MUCL3: variants seen among roughly 807,000 people sequenced by gnomAD.
MUCL3 encodes the protein mucin like 3.
Under a neutral mutation model 70.2 loss-of-function variants are expected in MUCL3, and 42 were observed. The ratio of observed to expected loss-of-function variants is 0.60; its 90% CI spans 0.47 to 0.77. MUCL3 has a LOEUF of 0.77. Among genes scored for constraint, MUCL3 ranks in the 30% least tolerant of loss-of-function variants. The pLI, the probability that MUCL3 is intolerant of heterozygous loss-of-function variation, is 0.00. For synonymous variants in MUCL3, 522 were observed against 647.0 expected (o/e 0.81, Z 2.93); for missense variants, 1,429 against 1,670.0 (o/e 0.86, Z 2.52).
Position 30,951,857 on chromosome 6 carries a change from G to A in MUCL3, c.3393G>A (p.Arg1131=). 6.2e-7 allele frequency: 1 copy of A among 1,604,104 alleles called. No individual in the cohort carries two copies. Among genetic ancestry groups the A allele is most frequent in the Non-Finnish European group, 8.5e-7 (1 of 1,175,864 alleles). Residue 1131 remains arginine (R), a synonymous_variant, in exon 2 of 3, where the codon AGG becomes AGA. Coordinates refer to ENST00000462446, the MANE Select transcript of MUCL3 (RefSeq NM_080870.4). ...SAAESTEHRD[R]ATSANVITPA... ...CAGAGTCTACAGAACATAGAGATAG[G>A]GCTACATCAGCCAATGTGATCACAC...
Position 30,951,185 on chromosome 6 carries a change from C to T in MUCL3, c.2721C>T (p.Thr907=), listed in dbSNP as rs1445048902. ...PAEPTENGER[T]PFTNEKTTPS... is the part of the protein sequence containing the mutation. ...AGCCTACAGAAAATGGAGAAAGGAC[C>T]CCATTTACCAATGAGAAGACCACAC... The change falls in exon 2 of 3, where the codon ACC becomes ACT. Residue 907 remains threonine (T), a synonymous_variant. Transcript: ENST00000462446. 9 of 1,541,628 alleles carry T rather than the reference C, an allele frequency of 5.8e-6. No individual in the cohort carries two copies. The highest frequency in any genetic ancestry group is 1.2e-5 in the South Asian group (1 of 83,610).
chr6:30,950,989 C>T lies in MUCL3; in HGVS notation c.2525C>T (p.Thr842Ile). ...EKTTQFPAEP[T>I]ENRESTANEK... ...ACCACACAATTCCCAGCAGAGCCTA[C>T]AGAAAATAGAGAAAGCACAGCCAAT... Residue 842 changes from threonine to isoleucine, a missense_variant, in exon 2 of 3, where the codon ACA becomes ATA. Thr to Ile is a moderately conservative substitution (Grantham distance 89). Transcript: ENST00000462446. The T allele has an allele frequency of 1.3e-6, 2 of 1,549,652 alleles. No homozygotes were observed. Among genetic ancestry groups the T allele is most frequent in the Non-Finnish European group, 1.7e-6 (2 of 1,146,696 alleles).
chr6:30,945,765 T>C (rs1234729619), intron 1 of MUCL3, among the ~76,000 whole-genome samples: 1 of 152,096 alleles, frequency 6.6e-6, no homozygotes, highest in African/African-American at 2.4e-5. Flanking sequence ...CCATCCTGGC[T>C]AACACAGTGA....
At chr6:30,946,485 T>C (rs1255859308) in intron 1 of MUCL3, 1 of 152,218 alleles carries the variant, frequency 6.6e-6, no homozygotes, top group African/African-American at 2.4e-5. Flanking sequence ...CAATAGATAG[T>C]CATTCATCCC....
At position 30,950,625 on chromosome 6, in the gene MUCL3, C is replaced by T; in HGVS notation, c.2161C>T (p.Pro721Ser). ...GAACACCACACTATCCCCAGCAGAGCCTACAGAAAATAGAGAAAGGACAGC... is the reference window on the plus strand; with the variant it reads ...GAACACCACACTATCCCCAGCAGAGTCTACAGAAAATAGAGAAAGGACAGC... Reference protein sequence around the residue: ...NENTTLSPAEPTENRERTANE... With the variant: ...NENTTLSPAESTENRERTANE... The change falls in exon 2 of 3, where the codon CCT becomes TCT. Residue 721 changes from proline (P) to serine (S), a missense_variant. Coordinates refer to ENST00000462446, the MANE Select transcript of MUCL3 (RefSeq NM_080870.4). 1.3e-6 allele frequency: 2 copies of T among 1,536,456 alleles called. No individual in the cohort carries two copies.
Position 30,950,106 on chromosome 6 carries a change from G to T in MUCL3, c.1642G>T (p.Ala548Ser). The T allele has an allele frequency of 6.4e-7, 1 of 1,550,678 alleles. No individual in the cohort carries two copies. The highest frequency in any genetic ancestry group is 2.4e-5 in the East Asian group (1 of 40,852). Residue 548 changes from alanine to serine, a missense_variant, in exon 2 of 3, where the codon GCC (alanine) becomes TCC (serine). Physicochemically the swap from Ala to Ser is moderately conservative, Grantham distance 99. Transcript: ENST00000462446. ...AEPTENRERT[A>S]NEKTTPSPAE... ...GCCTACAGAAAATAGAGAAAGGACA[G>T]CCAATGAGAAGACCACACCATCCCC...
chr6:30,944,769 G>C (rs1259369266), intron 1 of MUCL3, among the ~76,000 whole-genome samples: 2 of 152,236 alleles, frequency 1.3e-5, no homozygotes, highest in African/African-American at 4.8e-5. Flanking sequence ...AGTTCTTTTC[G>C]GGCTATGATG....
In MUCL3 at chr6:30,951,460, C is replaced by G; in HGVS notation, c.2996C>G (p.Thr999Arg). 6.4e-7 allele frequency: 1 copy of G among 1,551,690 alleles called. No homozygotes were observed. Among genetic ancestry groups the G allele is most frequent in the Non-Finnish European group, 8.7e-7 (1 of 1,146,994 alleles). The change falls in exon 2 of 3, where the codon ACA (threonine) becomes AGA (arginine). Residue 999 changes from threonine to arginine, a missense_variant. By Grantham distance (71) the Thr-to-Arg change is moderately conservative. Transcript: ENST00000462446. ...LANENTTTSP[T>R]ESTEHGERTA... ...AATGAGAACACCACAACATCCCCAACAGAGTCTACAGAACATGGAGAAAGG... is the reference window on the plus strand; with the variant it reads ...AATGAGAACACCACAACATCCCCAAGAGAGTCTACAGAACATGGAGAAAGG...
Position 30,948,818 on chromosome 6 carries a change from T to G in MUCL3, c.354T>G (p.Pro118=). 1 of 1,551,614 alleles carries G rather than the reference T, an allele frequency of 6.4e-7. No individual in the cohort carries two copies. The highest frequency in any genetic ancestry group is 8.7e-7 in the Non-Finnish European group (1 of 1,146,976). Residue 118 remains proline, a synonymous_variant, in exon 2 of 3, where the codon CCT becomes CCG. Transcript: ENST00000462446. ...HKSSTDNHEA[P]PTSEENSSNQ... ...GCTCTACAGATAATCATGAGGCTCCTCCCACTTCTGAAGAAAACTCCAGCA... is the reference window on the plus strand; with the variant it reads ...GCTCTACAGATAATCATGAGGCTCCGCCCACTTCTGAAGAAAACTCCAGCA...
intron 1 of MUCL3, 124 bp from the exon 2 acceptor site, chr6:30,948,423 C>T (rs1760407739): frequency 1.3e-6 from 1 of 760,026 alleles, no homozygotes; most frequent in Non-Finnish European, 2.1e-6. Context: ...TCATAGTATT[C>T]AGAGGAGACT....
Position 30,950,263 on chromosome 6 carries a change from A to G in MUCL3, c.1799A>G (p.Glu600Gly), listed in dbSNP as rs781552553. ...GAGAAGACCACATCATCCTCAGCAGAGCCTACAGAACACGAAGAAAGGACT... is the reference window on the plus strand; with the variant it reads ...GAGAAGACCACATCATCCTCAGCAGGGCCTACAGAACACGAAGAAAGGACT... ...ANEKTTSSSAEPTEHEERTPL... is the reference protein window; with the variant it reads ...ANEKTTSSSAGPTEHEERTPL... Residue 600 changes from glutamate (E) to glycine (G), a missense_variant, in exon 2 of 3, where the codon GAG becomes GGG. Glu to Gly is a moderately conservative substitution (Grantham distance 98, BLOSUM62 -2). Transcript: ENST00000462446. 3.4e-5 allele frequency: 53 copies of G among 1,550,692 alleles called. No individual in the cohort carries two copies. The highest frequency in any genetic ancestry group is 4.6e-5 in the Non-Finnish European group (53 of 1,146,900).
In MUCL3 at chr6:30,952,102, G is replaced by C. The variant is rs745648072; in HGVS notation, c.3638G>C (p.Gly1213Ala). The change falls in exon 2 of 3, where the codon GGG becomes GCG. Residue 1213 changes from glycine (G) to alanine (A), a missense_variant. Transcript: ENST00000462446. ...CCAGAAAAGCCTACAGAAAACCTGG[G>C]GAACACCACACTGACCACTGAGACC... Reference protein sequence around the residue: ...PVPEKPTENLGNTTLTTETIK... With the variant: ...PVPEKPTENLANTTLTTETIK... 1 of 1,607,252 alleles carries C rather than the reference G, an allele frequency of 6.2e-7. No individual in the cohort carries two copies. Among genetic ancestry groups the C allele is most frequent in the South Asian group, 1.1e-5 (1 of 90,180 alleles).
intron 1 of MUCL3, 77 bp downstream of exon 1, chr6:30,941,158 A>C: frequency 2.0e-6 from 3 of 1,506,520 alleles, no homozygotes; most frequent in South Asian, 1.2e-5. Flanking sequence ...AACAAATAGA[A>C]ATGAATGAAG....
Position 30,950,226 on chromosome 6 carries a change from C to A in MUCL3, c.1762C>A (p.Pro588Thr). ...AEPTENGQRT[P>T]FANEKTTSSS... Reference sequence around the variant, plus strand: ...GCCTACAGAAAATGGACAAAGGACCCCATTTGCCAATGAGAAGACCACATC... The same window carrying A: ...GCCTACAGAAAATGGACAAAGGACCACATTTGCCAATGAGAAGACCACATC... Residue 588 changes from proline to threonine, a missense_variant, in exon 2 of 3, where the codon CCA becomes ACA. Physicochemically the swap from Pro to Thr is conservative, Grantham distance 38. Transcript: ENST00000462446. 1 of 1,549,138 alleles carries A rather than the reference C, an allele frequency of 6.5e-7. No homozygotes were observed. Among genetic ancestry groups the A allele is most frequent in the Non-Finnish European group, 8.7e-7 (1 of 1,146,664 alleles).
intron 1 of MUCL3, among the ~76,000 whole-genome samples, chr6:30,947,893 C>T (rs1760380543): frequency 6.6e-6 from 1 of 152,162 alleles, no homozygotes; most frequent in Non-Finnish European, 1.5e-5. Context: ...TCTTATACAT[C>T]TCTCACTCAC....
chr6:30,952,675 C>T lies in MUCL3; in HGVS notation c.4035+176C>T, dbSNP rs947038811. 6.1e-6 allele frequency: 5 copies of T among 825,148 alleles called. No homozygotes were observed. In the East Asian group the frequency reaches 1.4e-4, roughly 22 times the overall value. The allele number at this position is 825,148 out of a possible 1,614,324, so 51.1% of individuals were successfully genotyped here. On this transcript the variant is annotated intron_variant, in intron 2 of 2. Coordinates refer to ENST00000462446, the MANE Select transcript of MUCL3 (RefSeq NM_080870.4). ...ACTAAGGAGAAAGACAATAAATACACAGGAGGTAAAAAGCTGGAATTGGGG... is the reference window on the plus strand; with the variant it reads ...ACTAAGGAGAAAGACAATAAATACATAGGAGGTAAAAAGCTGGAATTGGGG...
chr6:30,941,616 C>G (rs988007454), intron 1 of MUCL3, among the ~76,000 whole-genome samples: 2 of 151,722 alleles, frequency 1.3e-5, no homozygotes, highest in Non-Finnish European at 2.9e-5. Context: ...CCTGCCACCA[C>G]GCCTGGCTCA....
In MUCL3 at chr6:30,950,614, C is replaced by A; in HGVS notation, c.2150C>A (p.Ser717Tyr). ...CTGGCCAATGAGAACACCACACTAT[C>A]CCCAGCAGAGCCTACAGAAAATAGA... ...TPLANENTTL[S>Y]PAEPTENRER... The change falls in exon 2 of 3, where the codon TCC (serine) becomes TAC (tyrosine). Residue 717 changes from serine (S) to tyrosine (Y), a missense_variant. Physicochemically the swap from Ser to Tyr is moderately radical, Grantham distance 144. Transcript: ENST00000462446. The A allele has an allele frequency of 6.5e-7, 1 of 1,547,562 alleles. No homozygotes were observed. Among genetic ancestry groups the A allele is most frequent in the South Asian group, 1.2e-5 (1 of 83,680 alleles).
At position 30,950,248 on chromosome 6, in the gene MUCL3, C is replaced by T. The variant is rs567851064; in HGVS notation, c.1784C>T (p.Thr595Ile). The T allele has an allele frequency of 4.5e-6, 7 of 1,551,228 alleles. No individual in the cohort carries two copies. Among genetic ancestry groups the T allele is most frequent in the African/African-American group, 1.4e-5 (1 of 72,808 alleles). ...QRTPFANEKT[T>I]SSSAEPTEHE... Reference sequence around the variant, plus strand: ...ACCCCATTTGCCAATGAGAAGACCACATCATCCTCAGCAGAGCCTACAGAA... The same window carrying T: ...ACCCCATTTGCCAATGAGAAGACCATATCATCCTCAGCAGAGCCTACAGAA... The change falls in exon 2 of 3, where the codon ACA becomes ATA. Residue 595 changes from threonine to isoleucine, a missense_variant. By Grantham distance (89) the Thr-to-Ile change is moderately conservative. Coordinates refer to ENST00000462446, the MANE Select transcript of MUCL3 (RefSeq NM_080870.4).
Sources: allele counts gnomAD v4.1 joint callset (sites outside exome capture counted in the v4.1 genomes callset), GRCh38; gene constraint gnomAD v4.1.1; transcripts MANE v1.5; gene names NCBI Gene and HGNC (gene_info 2026-07-23, HGNC 2026-07-21).